SLC13A4: variants seen among roughly 807,000 people sequenced by gnomAD.
The protein encoded by SLC13A4 is solute carrier family 13 member 4, also known as Na(+)/sulfate cotransporter SUT-1.
A neutral mutation model predicts 72.7 loss-of-function variants in SLC13A4; 28 were observed. The ratio of observed to expected loss-of-function variants is 0.39; its 90% confidence interval spans 0.29 to 0.53. SLC13A4 has a LOEUF of 0.53. Among genes scored for constraint, SLC13A4 ranks in the 20% least tolerant of loss-of-function variants. The pLI is 0.78. For missense variants in SLC13A4, 653 were observed against 788.0 expected (o/e 0.83, Z 2.05); for synonymous variants, 312 against 325.5 (o/e 0.96, Z 0.45).
intron 13 of SLC13A4, among the ~76,000 whole-genome samples, chr7:135,688,069 A>G (rs1235633714): frequency 3.3e-5 from 5 of 150,070 alleles, no homozygotes; most frequent in Non-Finnish European, 3.0e-5. Context: ...TCTGCCTCCC[A>G]GGTTCAAGCA....
intron 2 of SLC13A4, among the ~76,000 whole-genome samples, chr7:135,712,461 T>TAAA (rs539587817): frequency 0.36 from 43,753 of 122,334 alleles, 7,632 homozygotes; most frequent in Middle Eastern, 0.49. Context: ...TTTTCTCATC[T>TAAA]AAAAAAAAAA....
At chr7:135,683,885 C>G in intron 15 of SLC13A4, 1 of 753,300 alleles carries the variant, frequency 1.3e-6, no homozygotes, top group Non-Finnish European at 1.6e-6. Context: ...TTCCAGCTTT[C>G]TCTACCTAGG....
chr7:135,691,748 C>T, intron 11 of SLC13A4, 103 bp from the exon 12 acceptor site: 2 of 746,246 alleles, frequency 2.7e-6, no homozygotes, highest in Non-Finnish European at 4.5e-6. Context: ...CTTTTTAGGA[C>T]TTATCTAGAG....
chr7:135,701,140 T>C (rs1020095122), intron 7 of SLC13A4, among the ~76,000 whole-genome samples: 6 of 152,198 alleles, frequency 3.9e-5, no homozygotes, highest in African/African-American at 1.4e-4. Flanking sequence ...GTGCAATGAT[T>C]GATACATAAT....
intron 15 of SLC13A4, among the ~76,000 whole-genome samples, chr7:135,683,105 C>T (rs1229087054): frequency 1.3e-5 from 2 of 151,866 alleles, no homozygotes; most frequent in East Asian, 3.9e-4. Context: ...TCAAGACCAG[C>T]CTGACCAACA....
intron 2 of SLC13A4, among the ~76,000 whole-genome samples, chr7:135,714,401 G>A (rs1194262454): frequency 2.0e-5 from 3 of 152,160 alleles, no homozygotes; most frequent in Admixed American, 6.5e-5. Context: ...TCTGAGCCAC[G>A]AGCCAAGGGG....
chr7:135,711,283 A>G (rs3112356), intron 2 of SLC13A4, among the ~76,000 whole-genome samples: 120,765 of 152,036 alleles, frequency 0.79, 48,296 homozygotes, highest in East Asian at 1. Context: ...GTCTTTCCCC[A>G]GGGACTGACT....
rs1048658059 is a variant in SLC13A4 at position 135,721,598 on chromosome 7, T to C, written c.100-75A>G. On this transcript the variant is annotated intron_variant, in intron 1 of 15. Coordinates refer to ENST00000682651, the MANE Select transcript of SLC13A4 (RefSeq NM_001318192.2). ...TGAGCGTCCGGATGCAACCCTGGCA[T>C]CTGAGGCAGCAGACTCAGACTGTAA... 3 of 1,583,986 alleles carry C rather than the reference T, an allele frequency of 1.9e-6. No individual in the cohort carries two copies. In the African/African-American group the frequency reaches 4.0e-5, roughly 21 times the overall value.
rs543900359 is a variant in SLC13A4, at chr7:135,706,163, G to T, written c.503C>A (p.Ala168Glu). 3 of 1,607,180 alleles carry T rather than the reference G, an allele frequency of 1.9e-6. No individual in the cohort carries two copies. In the South Asian group the frequency reaches 3.3e-5, roughly 18 times the overall value. ...GGCCTCTTCGGTGTTGGAGTTGCCC[G>T]CCACGAGCTGCTCGTCCTCAGCACT... Reference protein sequence around the residue: ...LVSAEDEQLVAGNSNTEEAEP... With the variant: ...LVSAEDEQLVEGNSNTEEAEP... The change falls in exon 4 of 16, where the codon GCG becomes GAG. Residue 168 changes from alanine to glutamate, a missense_variant. Physicochemically the swap from Ala to Glu is moderately radical, Grantham distance 107. Coordinates refer to ENST00000682651, the MANE Select transcript of SLC13A4 (RefSeq NM_001318192.2).
At chr7:135,707,061 G>A (rs537625449) in intron 3 of SLC13A4, among the ~76,000 whole-genome samples, 2 of 152,312 alleles carry the variant, frequency 1.3e-5, no homozygotes, top group South Asian at 4.1e-4. Flanking sequence ...TGCACAACTT[G>A]GGGACAGTAC....
chr7:135,708,915 CA>C (rs1379449926), intron 2 of SLC13A4, among the ~76,000 whole-genome samples: 1 of 119,616 alleles, frequency 8.4e-6, no homozygotes, highest in East Asian at 2.7e-4. Flanking sequence ...GAGTCTTGCT[CA>C]ATTTTTTTTT....
intron 2 of SLC13A4, among the ~76,000 whole-genome samples, chr7:135,710,371 G>A (rs1454131703): frequency 2.0e-5 from 3 of 152,172 alleles, no homozygotes; most frequent in African/African-American, 7.2e-5. Flanking sequence ...ACTCCAGCCT[G>A]GGCGACAGAG....
intron 2 of SLC13A4, among the ~76,000 whole-genome samples, chr7:135,714,295 G>T (rs1027415186): frequency 1.2e-4 from 19 of 152,206 alleles, no homozygotes; most frequent in African/African-American, 4.6e-4. Flanking sequence ...TGCATGACTG[G>T]AGACACTGAT....
chr7:135,723,076 A>T (rs1220860952), intron 1 of SLC13A4, among the ~76,000 whole-genome samples: 1 of 152,136 alleles, frequency 6.6e-6, no homozygotes, highest in Non-Finnish European at 1.5e-5. Flanking sequence ...CAAGCAAAAA[A>T]CCATCTCTAG....
intron 8 of SLC13A4, 105 bp from the exon 9 acceptor site, chr7:135,695,592 G>A: frequency 7.7e-7 from 1 of 1,295,590 alleles, no homozygotes; most frequent in South Asian, 1.4e-5. Context: ...TGGGCTAAGT[G>A]GGGAGATAAT....
intron 2 of SLC13A4, among the ~76,000 whole-genome samples, chr7:135,720,572 A>C (rs866159810): frequency 3.4e-5 from 5 of 145,300 alleles, no homozygotes; most frequent in South Asian, 2.2e-4. Context: ...AAAAAAAAAA[A>C]AACCAAAAAC....
chr7:135,711,447 G>C (rs1438770887), intron 2 of SLC13A4, among the ~76,000 whole-genome samples: 1 of 152,202 alleles, frequency 6.6e-6, no homozygotes, highest in Non-Finnish European at 1.5e-5. Flanking sequence ...GGAATATGGA[G>C]AGCCTTCTAG....
rs1563157088 is a variant in SLC13A4, at chr7:135,691,184, C to G, written c.1446+17G>C. On this transcript the variant is annotated intron_variant, in intron 13 of 15. Transcript: ENST00000682651. The stretch of plus-strand genomic sequence containing the variant: ...CTCAAAAAAAAAAACCCCAAAAAAA[C>G]AGAATTCAAGAATTACCTTGCTACC... 6.4e-7 allele frequency: 1 copy of G among 1,558,420 alleles called. No homozygotes were observed. Among genetic ancestry groups the G allele is most frequent in the Non-Finnish European group, 8.7e-7 (1 of 1,154,550 alleles).
At chr7:135,696,247 G>C (rs954854704) in intron 8 of SLC13A4, among the ~76,000 whole-genome samples, 1 of 152,224 alleles carries the variant, frequency 6.6e-6, no homozygotes, top group Admixed American at 6.5e-5. Context: ...CCTTCTCCCA[G>C]ATCTTTAACT....
Sources: gnomAD v4.1 joint callset for allele counts (sites outside exome capture counted in the v4.1 genomes callset) on GRCh38, gnomAD v4.1.1 for gene constraint, MANE v1.5 for transcripts, NCBI Gene and HGNC (gene_info 2026-07-23, HGNC 2026-07-21) for gene names.